Variants in AP2A1 observed in about 807,000 individuals in gnomAD.
The protein encoded by AP2A1 is AP-2 complex subunit alpha-1.
A neutral mutation model predicts 107.3 loss-of-function variants in AP2A1; 21 were observed. That is an observed-to-expected ratio of 0.20 (90% CI 0.14 to 0.28). The LOEUF (loss-of-function observed/expected upper bound fraction) is 0.28. AP2A1 is among the 10% of genes least tolerant of loss of function. The pLI is 1.00. For synonymous variants in AP2A1, 602 were observed against 564.8 expected (o/e 1.07, Z -0.93); for missense variants, 873 against 1,307.7 (o/e 0.67, Z 5.13).
At position 49,788,534 on chromosome 19, in the gene AP2A1, G is replaced by A. The variant is rs1323107497; in HGVS notation, c.474-3401G>A. Among the ~76,000 whole-genome samples the A allele has an allele frequency of 1.3e-5, 2 of 150,614 alleles. No individual in the cohort carries two copies. Among genetic ancestry groups the A allele is most frequent in the Non-Finnish European group, 3.0e-5 (2 of 67,770 alleles). Reference sequence around the variant, plus strand: ...GGAGATGTGTGCCGTGGCAGCGATGGGAAAGTGGCCCAGAGTCAGGGCTCG... The same window carrying A: ...GGAGATGTGTGCCGTGGCAGCGATGAGAAAGTGGCCCAGAGTCAGGGCTCG... On this transcript the variant is annotated intron_variant, in intron 4 of 22. Transcript: ENST00000354293. This position sits in a 1 kb window ranked among gnomAD's most constrained non-coding sequence, Gnocchi z 4.5.
At chr19:49,787,312 C>A (rs1449047394) in intron 4 of AP2A1, among the ~76,000 whole-genome samples, 1 of 146,992 alleles carries the variant, frequency 6.8e-6, no homozygotes, top group Non-Finnish European at 1.5e-5. Flanking sequence ...TGTGAGCCAC[C>A]ACTCCCATCT....
intron 4 of AP2A1, among the ~76,000 whole-genome samples, chr19:49,791,308 C>A (rs2073139991): frequency 6.6e-6 from 1 of 152,216 alleles, no homozygotes; most frequent in South Asian, 2.1e-4. Flanking sequence ...TGGTGCACTG[C>A]CGCCTCGACC....
In AP2A1 at chr19:49,805,891, A is replaced by C; in HGVS notation, c.2605A>C (p.Lys869Gln). 6.2e-7 allele frequency: 1 copy of C among 1,613,846 alleles called. No individual in the cohort carries two copies. Among genetic ancestry groups the C allele is most frequent in the Middle Eastern group, 1.6e-4 (1 of 6,062 alleles). The change falls in exon 21 of 23, where the codon AAA becomes CAA. Residue 869 changes from lysine (K) to glutamine (Q), a missense_variant. This residue lies in a region of AP2A1 where 416 missense variants were observed against 473.4 expected (regional missense o/e 0.88). Transcript: ENST00000354293. ...CCCCAGCCCTCAACAGGAGGCGCAGAAAATCTTCAAAGCCAACCACCCCAT... is the reference window on the plus strand; with the variant it reads ...CCCCAGCCCTCAACAGGAGGCGCAGCAAATCTTCAAAGCCAACCACCCCAT... ...QLSLPQQEAQKIFKANHPMDA... is the reference protein window; with the variant it reads ...QLSLPQQEAQQIFKANHPMDA...
intron 4 of AP2A1, 89 bp downstream of exon 4, chr19:49,782,813 C>A: frequency 7.2e-7 from 1 of 1,388,584 alleles, no homozygotes; most frequent in Non-Finnish European, 9.6e-7. Flanking sequence ...CTGTTGCCTG[C>A]CCAAGGTCTC....
chr19:49,802,448 T>G (rs2073299591), intron 15 of AP2A1: 1 of 1,323,552 alleles, frequency 7.6e-7, no homozygotes, highest in Non-Finnish European at 1.1e-6. Flanking sequence ...CCTCTCTGTC[T>G]CTCTTCTGCC....
At chr19:49,776,971 C>T (rs1229966202) in intron 1 of AP2A1, among the ~76,000 whole-genome samples, 1 of 152,028 alleles carries the variant, frequency 6.6e-6, no homozygotes, top group African/African-American at 2.4e-5. Context: ...TGCCTGTAAT[C>T]CTAGCACTTT....
In AP2A1 at chr19:49,772,246, G is replaced by GTTT. The variant is rs71180653; in HGVS notation, c.67+5075_67+5077dup. 2.3e-3 allele frequency among the ~76,000 whole-genome samples: 129 copies of GTTT among 56,168 alleles called. 13 individuals carry two copies. The highest frequency in any genetic ancestry group is 7.6e-3 in the African/African-American group (111 of 14,536). The allele number at this position is 56,168 out of a possible 152,430, so 36.8% of individuals were successfully genotyped here. On this transcript the variant is annotated intron_variant, in intron 1 of 22. Coordinates refer to ENST00000354293, the MANE Select transcript of AP2A1 (RefSeq NM_130787.3). ...CAAATTTTTTTGTATTTTTCATAGA[G>GTTT]TTTTTTTTTTTTTTTTTTTTTTTTT...
chr19:49,782,459 T>A, intron 3 of AP2A1, 72 bp from the exon 4 acceptor site: 2 of 1,496,332 alleles, frequency 1.3e-6, no homozygotes. Context: ...CCTGGACTCC[T>A]GGGTCTGAGG....
At chr19:49,791,665 G>T (rs182284870) in intron 4 of AP2A1, among the ~76,000 whole-genome samples, 8 of 152,336 alleles carry the variant, frequency 5.3e-5, no homozygotes, top group African/African-American at 1.4e-4. Context: ...GCACCCAGTA[G>T]GTGCTTGGTG....
Position 49,799,959 on chromosome 19 carries a change from C to T in AP2A1, c.1273-9C>T, listed in dbSNP as rs149504055. The stretch of plus-strand genomic sequence containing the variant: ...GCGGCACACTCTCTCTCACACGCCC[C>T]GGCGGCAGGTCCTGAAGGTGGCCAT... On this transcript the variant is annotated splice_polypyrimidine_tract_variant and intron_variant, in intron 10 of 22. Transcript: ENST00000354293. 14 of 1,611,984 alleles carry T rather than the reference C, an allele frequency of 8.7e-6. No individual in the cohort carries two copies. Among genetic ancestry groups the T allele is most frequent in the East Asian group, 6.7e-5 (3 of 44,802 alleles).
At chr19:49,805,372 G>T in intron 18 of AP2A1, 81 bp from the exon 19 acceptor site, 1 of 1,429,852 alleles carries the variant, frequency 7.0e-7, no homozygotes, top group Non-Finnish European at 9.2e-7. Context: ...GGCGGGAGCT[G>T]CCGGGAGCTC....
rs2084730321 is a variant in AP2A1, at chr19:49,785,858, A to T, written c.473+3134A>T. ...CTTGAACCCAGGAGGTGGAGGTTGC[A>T]GTGAGTGGAGATTGTGCCACTGCAC... On this transcript the variant is annotated intron_variant, in intron 4 of 22. Transcript: ENST00000354293. The surrounding 1 kb of genome is among the most constrained non-coding windows in gnomAD (Gnocchi z 4.1). 6.6e-6 allele frequency among the ~76,000 whole-genome samples: 1 copy of T among 151,990 alleles called. No individual in the cohort carries two copies. Among genetic ancestry groups the T allele is most frequent in the Non-Finnish European group, 1.5e-5 (1 of 67,996 alleles).
Position 49,802,229 on chromosome 19 carries a change from T to TCCCCCCCCCCC in AP2A1, c.2114+93_2114+94insCCCCCCCCCCC. 6 of 848,840 alleles carry TCCCCCCCCCCC rather than the reference T, an allele frequency of 7.1e-6. No individual in the cohort carries two copies. In the Admixed American group the frequency reaches 9.4e-5, roughly 13 times the overall value. The allele number at this position is 848,840 out of a possible 1,614,324, so 52.6% of individuals were successfully genotyped here. On this transcript the variant is annotated intron_variant, in intron 15 of 22. Transcript: ENST00000354293. Reference sequence around the variant, plus strand: ...TCTGTCCCCGTTTTCCCTGAGCCCCTCCCCCGCCCCCGACTCGCTCCTCTC... The same window carrying TCCCCCCCCCCC: ...TCTGTCCCCGTTTTCCCTGAGCCCCTCCCCCCCCCCCCCCCCGCCCCCGACTCGCTCCTCTC...
chr19:49,787,332 TTGTTTGTTTTTTTTGTTTTTTG>T (rs1328328255), intron 4 of AP2A1, among the ~76,000 whole-genome samples: 8 of 109,218 alleles, frequency 7.3e-5, no homozygotes, highest in African/African-American at 2.0e-4. Context: ...TAGGCTTTTT[TTGTTTGTTTTTTTTGTTTTTTG>T]TTTTTTTTTT....
rs1474214740 is a variant in AP2A1, at chr19:49,782,835, G to T, written c.473+111G>T. ...CTGCCCAAGGTCTCCCAGCCGAGAT[G>T]TGGGCTAACGCTGGGCTGGGGACCC... On this transcript the variant is annotated intron_variant, in intron 4 of 22. Transcript: ENST00000354293. The T allele has an allele frequency of 1.9e-5, 24 of 1,272,036 alleles. No individual in the cohort carries two copies. The South Asian group carries it at 2.5e-4, about 13-fold the overall frequency. The allele number at this position is 1,272,036 out of a possible 1,614,324, so 78.8% of individuals were successfully genotyped here.
intron 15 of AP2A1, chr19:49,802,451 C>G: frequency 7.4e-7 from 1 of 1,353,322 alleles, no homozygotes; most frequent in Non-Finnish European, 1.0e-6. Context: ...CTCTGTCTCT[C>G]TTCTGCCCTC....
chr19:49,777,998 A>G (rs1295871882), intron 1 of AP2A1, among the ~76,000 whole-genome samples: 1 of 152,060 alleles, frequency 6.6e-6, no homozygotes, highest in East Asian at 1.9e-4. Flanking sequence ...TACTAGTTAA[A>G]GAAATACGTA....
chr19:49,790,353 T>C (rs1284038918), intron 4 of AP2A1, among the ~76,000 whole-genome samples: 3 of 152,192 alleles, frequency 2.0e-5, no homozygotes, highest in African/African-American at 7.2e-5. Flanking sequence ...GTGATGACAT[T>C]GGGTCCACCT....
intron 12 of AP2A1, 143 bp from the exon 13 acceptor site, chr19:49,801,247 T>C (rs1259641154): frequency 1.0e-6 from 1 of 986,844 alleles, no homozygotes; most frequent in Non-Finnish European, 1.5e-6. Flanking sequence ...CTGCGGCCCC[T>C]GTCTGGTGCC....
Sources: allele counts gnomAD v4.1 joint callset (sites outside exome capture counted in the v4.1 genomes callset), GRCh38; gene constraint gnomAD v4.1.1; regional missense constraint gnomAD v4.1.1; non-coding constraint Gnocchi (gnomAD v3.1); transcripts MANE v1.5; gene names NCBI Gene and HGNC (gene_info 2026-07-23, HGNC 2026-07-21).